DPP10: variants seen among roughly 807,000 people sequenced by gnomAD.
The protein encoded by DPP10 is dipeptidyl peptidase like 10.
A neutral mutation model predicts 120.9 loss-of-function variants in DPP10; 33 were observed. The ratio of observed to expected loss-of-function variants is 0.27; its 90% CI spans 0.21 to 0.37. The LOEUF is 0.37. DPP10 is among the 10% of genes least tolerant of loss of function. The pLI, the probability that DPP10 is intolerant of heterozygous loss-of-function variation, is 1.00. For missense variants in DPP10, 816 were observed against 942.8 expected (o/e 0.87, Z 1.76); for synonymous variants, 337 against 326.1 (o/e 1.03, Z -0.36).
At chr2:115,023,538 T>C (rs1046611757) in intron 1 of DPP10, among the ~76,000 whole-genome samples, 1 of 152,134 alleles carries the variant, frequency 6.6e-6, no homozygotes, top group Non-Finnish European at 1.5e-5. Context: ...ACTTTTATAC[T>C]GTCGGTGGGA....
At chr2:114,975,601 TCTTAA>T (rs1699703477) in intron 1 of DPP10, among the ~76,000 whole-genome samples, 2 of 152,200 alleles carry the variant, frequency 1.3e-5, no homozygotes, top group Admixed American at 6.5e-5. Context: ...ATTATTTCTA[TCTTAA>T]CTTAGCATTT....
intron 1 of DPP10, among the ~76,000 whole-genome samples, chr2:115,293,274 A>G (rs1395413578): frequency 6.6e-6 from 1 of 152,108 alleles, no homozygotes; most frequent in Non-Finnish European, 1.5e-5. Flanking sequence ...TGAACATGAA[A>G]TCAGGAAAGA....
intron 5 of DPP10, among the ~76,000 whole-genome samples, chr2:115,535,140 C>G (rs373672983): frequency 2.9e-4 from 44 of 152,006 alleles, no homozygotes; most frequent in Non-Finnish European, 4.4e-4. Context: ...GTCAATTTTG[C>G]CTTTTGTTGC....
chr2:115,801,861 C>A (rs930735018), intron 19 of DPP10, among the ~76,000 whole-genome samples: 1 of 152,074 alleles, frequency 6.6e-6, no homozygotes, highest in Non-Finnish European at 1.5e-5. Context: ...ATTTTTGCAT[C>A]AATGTTCTTC....
At chr2:115,154,260 A>T (rs2104917262) in intron 1 of DPP10, among the ~76,000 whole-genome samples, 1 of 152,334 alleles carries the variant, frequency 6.6e-6, no homozygotes, top group African/African-American at 2.4e-5. Context: ...TAGGAGTGAT[A>T]GTGCAAACAT....
chr2:114,590,033 G>T (rs188798438), intron 1 of DPP10, among the ~76,000 whole-genome samples: 2 of 152,064 alleles, frequency 1.3e-5, no homozygotes, highest in East Asian at 3.9e-4. Flanking sequence ...ATACCATGTA[G>T]TAGTGTACTG....
At chr2:115,792,237 A>G (rs1684067864) in intron 19 of DPP10, among the ~76,000 whole-genome samples, 1 of 152,152 alleles carries the variant, frequency 6.6e-6, no homozygotes, top group Non-Finnish European at 1.5e-5. Context: ...ATATAAAACA[A>G]TCATTACAAT....
chr2:114,953,510 A>G (rs1697952425), intron 1 of DPP10, among the ~76,000 whole-genome samples: 1 of 151,880 alleles, frequency 6.6e-6, no homozygotes, highest in Admixed American at 6.6e-5. Flanking sequence ...GTGTACATGA[A>G]CATGTATGTC....
At chr2:114,520,161 C>T (rs1298903062) in intron 1 of DPP10, among the ~76,000 whole-genome samples, 1 of 152,306 alleles carries the variant, frequency 6.6e-6, no homozygotes. Flanking sequence ...AAATGCAGAG[C>T]AAATAAAATT....
chr2:114,810,730 G>T (rs1462161698), intron 1 of DPP10, among the ~76,000 whole-genome samples: 1 of 152,076 alleles, frequency 6.6e-6, no homozygotes, highest in Non-Finnish European at 1.5e-5. Flanking sequence ...CCCACTTTGG[G>T]ACTCTGCATG....
intron 1 of DPP10, among the ~76,000 whole-genome samples, chr2:114,952,399 C>CATT (rs1048503538): frequency 5.3e-5 from 8 of 152,160 alleles, no homozygotes; most frequent in Admixed American, 5.2e-4. Flanking sequence ...TCTGATAAAA[C>CATT]ATTAACATGT....
chr2:115,468,070 C>T lies in DPP10; in HGVS notation c.272-31440C>T, dbSNP rs143022635. 3.3e-5 allele frequency: 14 copies of T among 421,304 alleles called. 1 individual carries two copies. The highest frequency in any genetic ancestry group is 2.7e-5 in the Admixed American group (1 of 36,880). 26.1% of individuals were successfully genotyped at this position (421,304 alleles called of 1,614,324 possible). On this transcript the variant is annotated intron_variant, in intron 3 of 25. Transcript: ENST00000410059. ...AAGCTTTTACAATGTCTGGAACCTG[C>T]GATGTCTTGAAAATGAAGGTAGAGG...
intron 1 of DPP10, among the ~76,000 whole-genome samples, chr2:115,066,142 A>T (rs1465936201): frequency 6.6e-6 from 1 of 152,212 alleles, no homozygotes; most frequent in Non-Finnish European, 1.5e-5. Context: ...GAAGCTGTTT[A>T]TCTTAGTCTT....
At chr2:114,638,374 G>T (rs996713054) in intron 1 of DPP10, among the ~76,000 whole-genome samples, 6 of 151,724 alleles carry the variant, frequency 4.0e-5, no homozygotes, top group South Asian at 2.1e-4. Flanking sequence ...GAAAATATTT[G>T]CAAACCATAC....
intron 7 of DPP10, among the ~76,000 whole-genome samples, chr2:115,695,690 A>T (rs889579552): frequency 1.3e-5 from 2 of 152,218 alleles, no homozygotes; most frequent in African/African-American, 4.8e-5. Context: ...GAGCCAGATT[A>T]TATCAGGGGA....
At position 115,440,027 on chromosome 2, in the gene DPP10, T is replaced by A. The variant is rs1273649316; in HGVS notation, c.272-59483T>A. 3.3e-5 allele frequency among the ~76,000 whole-genome samples: 5 copies of A among 152,182 alleles called. No homozygotes were observed. The South Asian group carries it at 1.0e-3, about 32-fold the overall frequency. On this transcript the variant is annotated intron_variant, in intron 3 of 25. Coordinates refer to ENST00000410059, the MANE Select transcript of DPP10 (RefSeq NM_020868.6). ...AAATATATATTTTAGGTGCTACTAT[T>A]TCTTAATTTTCATTTTGTAAATTAA...
In DPP10 at chr2:115,263,847, C is replaced by A. The variant is rs967041287; in HGVS notation, c.61-45392C>A. ...ACTGGATTTGAAACTTTATTTTTTTCTTTATAAAATATTAGTGCAAAAATC... is the reference window on the plus strand; with the variant it reads ...ACTGGATTTGAAACTTTATTTTTTTATTTATAAAATATTAGTGCAAAAATC... On this transcript the variant is annotated intron_variant, in intron 1 of 25. Coordinates refer to ENST00000410059, the MANE Select transcript of DPP10 (RefSeq NM_020868.6). 2.0e-5 allele frequency among the ~76,000 whole-genome samples: 3 copies of A among 151,894 alleles called. No individual in the cohort carries two copies. The South Asian group carries it at 6.2e-4, about 31-fold the overall frequency.
intron 1 of DPP10, among the ~76,000 whole-genome samples, chr2:114,492,794 T>C (rs1046010784): frequency 1.3e-5 from 2 of 152,216 alleles, no homozygotes; most frequent in Admixed American, 6.5e-5. Context: ...GTACAGCTAG[T>C]AAAATTGTCA....
chr2:114,573,478 T>C lies in DPP10; in HGVS notation c.60+130640T>C, dbSNP rs2105030913. On this transcript the variant is annotated intron_variant, in intron 1 of 25. Transcript: ENST00000410059. ...GAAAAAAACACCTGGGCAGGGTTCT[T>C]TATAGGTCACTTTGCAGAACAAGAG... Among the ~76,000 whole-genome samples, 2 of 152,190 alleles carry C rather than the reference T, an allele frequency of 1.3e-5. 1 individual carries two copies. Among genetic ancestry groups the C allele is most frequent in the South Asian group, 4.2e-4 (2 of 4,816 alleles).
Sources: allele counts gnomAD v4.1 joint callset (sites outside exome capture counted in the v4.1 genomes callset), GRCh38; gene constraint gnomAD v4.1.1; transcripts MANE v1.5; gene names NCBI Gene and HGNC (gene_info 2026-07-23, HGNC 2026-07-21).